The following SCGB3A1 variants were observed in gnomAD, a reference collection of about 807,000 sequenced individuals.
SCGB3A1 encodes the protein secretoglobin family 3A member 1, also known as cytokine HIN-1.
In SCGB3A1, 7 loss-of-function variants were observed where a neutral mutation model predicts 7.6. The observed-to-expected ratio is 0.93, with a 90% CI of 0.53 to 1.74. SCGB3A1 has a LOEUF of 1.74. Ranked by LOEUF, SCGB3A1 falls within the 40% of genes most tolerant of loss-of-function variation. The pLI is 0.00. For synonymous variants in SCGB3A1, 67 were observed against 66.6 expected (o/e 1.01, Z -0.03); for missense variants, 119 against 129.0 (o/e 0.92, Z 0.38).
rs755283773 is a variant in SCGB3A1, at chr5:180,590,852, G to A, written c.53-14C>T. 1.3e-6 allele frequency: 2 copies of A among 1,590,202 alleles called. No individual in the cohort carries two copies. The highest frequency in any genetic ancestry group is 1.7e-5 in the Admixed American group (1 of 58,826). On this transcript the variant is annotated splice_polypyrimidine_tract_variant and intron_variant, in intron 1 of 2. Coordinates refer to ENST00000292641, the MANE Select transcript of SCGB3A1 (RefSeq NM_052863.3). ...AGAAAGCAGCAGCTGCAAGCGAACAGGGAGGGGTCACCGCCTGCGCGCCGG... is the reference window on the plus strand; with the variant it reads ...AGAAAGCAGCAGCTGCAAGCGAACAAGGAGGGGTCACCGCCTGCGCGCCGG...
chr5:180,591,301 G>T, intron 1 of SCGB3A1, 110 bp downstream of exon 1: 2 of 944,250 alleles, frequency 2.1e-6, no homozygotes, highest in Non-Finnish European at 2.7e-6. Context: ...TGGGCGCCGG[G>T]CGAGGCTGGA....
At chr5:180,590,354 C>A (rs1000610987) in intron 2 of SCGB3A1, 100 bp from the exon 3 acceptor site, 77 of 1,483,752 alleles carry the variant, frequency 5.2e-5, no homozygotes, top group Admixed American at 8.2e-5. Context: ...GGGAGCGGGG[C>A]GGTTCCGCTG....
chr5:180,591,271 C>T lies in SCGB3A1; in HGVS notation c.52+140G>A, dbSNP rs1020431924. The T allele has an allele frequency of 1.2e-5, 8 of 660,212 alleles. No individual in the cohort carries two copies. The Admixed American group carries it at 2.7e-4, about 22-fold the overall frequency. 40.9% of individuals were successfully genotyped at this position (660,212 alleles called of 1,614,324 possible). A position where few individuals can be genotyped will look rare whatever the true frequency, so the allele number is the denominator to read the frequency against. On this transcript the variant is annotated intron_variant, in intron 1 of 2. Transcript: ENST00000292641. The stretch of plus-strand genomic sequence containing the variant: ...AGGCCGCGGGCTGCAGGCGCGGGGC[C>T]CCGGGGTGGCGGAGCCCTCTGGGCG...
At position 180,590,797 on chromosome 5, in the gene SCGB3A1, G is replaced by A. The variant is rs909862808; in HGVS notation, c.94C>T (p.Pro32Ser). Reference protein sequence around the residue: ...LVGSAKPVAQPVAALESAAEA... With the variant: ...LVGSAKPVAQSVAALESAAEA... Reference sequence around the variant, plus strand: ...GCCGCCGACTCCAGCGCAGCGACAGGCTGGGCCACAGGCTTGGCCGAGCCC... The same window carrying A: ...GCCGCCGACTCCAGCGCAGCGACAGACTGGGCCACAGGCTTGGCCGAGCCC... The change falls in exon 2 of 3, where the codon CCT (proline) becomes TCT (serine). Residue 32 changes from proline (P) to serine (S), a missense_variant. Transcript: ENST00000292641. 4 of 1,602,246 alleles carry A rather than the reference G, an allele frequency of 2.5e-6. No homozygotes were observed. Among genetic ancestry groups the A allele is most frequent in the Non-Finnish European group, 3.4e-6 (4 of 1,174,846 alleles).
rs1199608246 is a variant in SCGB3A1, at chr5:180,590,771, C to T, written c.120G>A (p.Ala40=). 1.9e-6 allele frequency: 3 copies of T among 1,590,218 alleles called. No homozygotes were observed. The highest frequency in any genetic ancestry group is 1.1e-5 in the South Asian group (1 of 87,560). ...TGGCCAGGGTCCCGGCCCCGGCCTC[C>T]GCCGCCGACTCCAGCGCAGCGACAG... ...AQPVAALESA[A]EAGAGTLANP... The change falls in exon 2 of 3, where the codon GCG becomes GCA. Residue 40 remains alanine (A), a synonymous_variant. Transcript: ENST00000292641.
At chr5:180,591,243 G>A in intron 1 of SCGB3A1, 168 bp downstream of exon 1, 1 of 462,294 alleles carries the variant, frequency 2.2e-6, no homozygotes, top group South Asian at 1.2e-4. Flanking sequence ...CCCTGAGAGG[G>A]GGAGGCCGCG....
In SCGB3A1 at chr5:180,590,624, G is replaced by C. The variant is rs746301922; in HGVS notation, c.267C>G (p.Ala89=). The C allele has an allele frequency of 2.5e-6, 4 of 1,602,692 alleles. No individual in the cohort carries two copies. Among genetic ancestry groups the C allele is most frequent in the Middle Eastern group, 1.7e-4 (1 of 5,994 alleles). The change falls in exon 2 of 3, where the codon GCC becomes GCG. Residue 89 remains alanine (A), a synonymous_variant. Transcript: ENST00000292641. The part of the protein sequence containing the change: ...VAELGPQAVG[A]VKALKALLGA... ...CCAGCAGGGCCTTCAGGGCCTTCACGGCCCCCACGGCCTGGGGACCCAGCT... is the reference window on the plus strand; with the variant it reads ...CCAGCAGGGCCTTCAGGGCCTTCACCGCCCCCACGGCCTGGGGACCCAGCT...
intron 2 of SCGB3A1, 92 bp from the exon 3 acceptor site, chr5:180,590,346 G>A: frequency 6.7e-7 from 1 of 1,501,440 alleles, no homozygotes. Flanking sequence ...TGGGGAGCGG[G>A]AGCGGGGCGG....
chr5:180,590,571 A>G, intron 2 of SCGB3A1, 29 bp downstream of exon 2: 1 of 1,559,536 alleles, frequency 6.4e-7, no homozygotes, highest in South Asian at 1.1e-5. Context: ...ATGCCCGCGC[A>G]GGAAGGGCAC....
At position 180,590,738 on chromosome 5, in the gene SCGB3A1, G is replaced by A. The variant is rs753547037; in HGVS notation, c.153C>T (p.Leu51=). ...GGAGCTTCAGCGGGTTGAGGGTGCCGAGGGGGTTGGCCAGGGTCCCGGCCC... is the reference window on the plus strand; with the variant it reads ...GGAGCTTCAGCGGGTTGAGGGTGCCAAGGGGGTTGGCCAGGGTCCCGGCCC... ...EAGAGTLANP[L]GTLNPLKLLL... is the part of the protein sequence containing the mutation. The change falls in exon 2 of 3, where the codon CTC becomes CTT. Residue 51 remains leucine (L), a synonymous_variant. Transcript: ENST00000292641. The A allele has an allele frequency of 4.4e-6, 7 of 1,582,450 alleles. No individual in the cohort carries two copies. Among genetic ancestry groups the A allele is most frequent in the East Asian group, 2.3e-5 (1 of 42,754 alleles).
At position 180,590,713 on chromosome 5, in the gene SCGB3A1, G is replaced by T; in HGVS notation, c.178C>A (p.Leu60Met). Reference protein sequence around the residue: ...PLGTLNPLKLLLSSLGIPVNH... With the variant: ...PLGTLNPLKLMLSSLGIPVNH... ...ACGGGGATGCCCAGGCTGCTCAGCAGGAGCTTCAGCGGGTTGAGGGTGCCG... is the reference window on the plus strand; with the variant it reads ...ACGGGGATGCCCAGGCTGCTCAGCATGAGCTTCAGCGGGTTGAGGGTGCCG... The change falls in exon 2 of 3, where the codon CTG (leucine) becomes ATG (methionine). Residue 60 changes from leucine to methionine, a missense_variant. By Grantham distance (15) the Leu-to-Met change is conservative (BLOSUM62 2). Coordinates refer to ENST00000292641, the MANE Select transcript of SCGB3A1 (RefSeq NM_052863.3). The T allele has an allele frequency of 6.3e-7, 1 of 1,584,098 alleles. No individual in the cohort carries two copies. Among genetic ancestry groups the T allele is most frequent in the East Asian group, 2.3e-5 (1 of 42,944 alleles).
Position 180,590,683 on chromosome 5 carries a change from G to T in SCGB3A1, c.208C>A (p.His70Asn), listed in dbSNP as rs1363792356. 5 of 1,588,796 alleles carry T rather than the reference G, an allele frequency of 3.1e-6. No individual in the cohort carries two copies. The East Asian group carries it at 1.2e-4, about 37-fold the overall frequency. The part of the protein sequence containing the change: ...LLSSLGIPVN[H>N]LIEGSQKCVA... ...CACTTCTGGGAGCCCTCTATGAGGT[G>T]GTTCACGGGGATGCCCAGGCTGCTC... Residue 70 changes from histidine (H) to asparagine (N), a missense_variant, in exon 2 of 3, where the codon CAC (histidine) becomes AAC (asparagine). By Grantham distance (68) the His-to-Asn change is moderately conservative. Coordinates refer to ENST00000292641, the MANE Select transcript of SCGB3A1 (RefSeq NM_052863.3).
chr5:180,590,374 G>A (rs1025042654), intron 2 of SCGB3A1, 120 bp from the exon 3 acceptor site: 3 of 1,360,294 alleles, frequency 2.2e-6, no homozygotes, highest in Non-Finnish European at 3.0e-6. Context: ...GGCGTCTCCG[G>A]GGGACGCGCA....
chr5:180,590,959 C>T, intron 1 of SCGB3A1, 121 bp from the exon 2 acceptor site: 9 of 708,782 alleles, frequency 1.3e-5, no homozygotes, highest in South Asian at 1.2e-4. Context: ...CCCCGACCGC[C>T]CCTCCCTCCT....
intron 1 of SCGB3A1, 44 bp from the exon 2 acceptor site, chr5:180,590,882 C>T: frequency 6.7e-7 from 1 of 1,493,414 alleles, no homozygotes; most frequent in South Asian, 1.2e-5. Context: ...CGCCGGGGTC[C>T]CCAGAAGGCA....
intron 2 of SCGB3A1, 59 bp from the exon 3 acceptor site, chr5:180,590,313 G>T: frequency 1.3e-6 from 2 of 1,553,328 alleles, no homozygotes; most frequent in East Asian, 2.4e-5. Flanking sequence ...ACTCAGGCGG[G>T]GGCGCGGCAG....
At position 180,590,790 on chromosome 5, in the gene SCGB3A1, G is replaced by A. The variant is rs369637956; in HGVS notation, c.101C>T (p.Ala34Val). The A allele has an allele frequency of 1.7e-5, 27 of 1,600,496 alleles. No individual in the cohort carries two copies. The highest frequency in any genetic ancestry group is 2.1e-5 in the Non-Finnish European group (25 of 1,174,126). The change falls in exon 2 of 3, where the codon GCT becomes GTT. Residue 34 changes from alanine (A) to valine (V), a missense_variant. Coordinates refer to ENST00000292641, the MANE Select transcript of SCGB3A1 (RefSeq NM_052863.3). ...GSAKPVAQPVAALESAAEAGA... is the reference protein window; with the variant it reads ...GSAKPVAQPVVALESAAEAGA... The stretch of plus-strand genomic sequence containing the variant: ...GGCCTCCGCCGCCGACTCCAGCGCA[G>A]CGACAGGCTGGGCCACAGGCTTGGC...
intron 2 of SCGB3A1, 22 bp downstream of exon 2, chr5:180,590,578 G>A (rs1761293603): frequency 6.3e-7 from 1 of 1,579,912 alleles, no homozygotes; most frequent in South Asian, 1.1e-5. Context: ...CGCAGGAAGG[G>A]CACCCGGGGT....
In SCGB3A1 at chr5:180,590,765, G is replaced by C. The variant is rs967273494; in HGVS notation, c.126C>G (p.Ala42=). ...GGGGGTTGGCCAGGGTCCCGGCCCC[G>C]GCCTCCGCCGCCGACTCCAGCGCAG... ...PVAALESAAE[A]GAGTLANPLG... Residue 42 remains alanine (A), a synonymous_variant, in exon 2 of 3, where the codon GCC becomes GCG. Coordinates refer to ENST00000292641, the MANE Select transcript of SCGB3A1 (RefSeq NM_052863.3). The C allele has an allele frequency of 2.5e-6, 4 of 1,587,242 alleles. No homozygotes were observed. The African/African-American group carries it at 4.0e-5, about 16-fold the overall frequency.
Sources: gnomAD v4.1 joint callset for allele counts on GRCh38, gnomAD v4.1.1 for gene constraint, MANE v1.5 for transcripts, NCBI Gene and HGNC (gene_info 2026-07-23, HGNC 2026-07-21) for gene names.